The following KCNIP4 variants were observed in gnomAD, a reference collection of about 807,000 sequenced individuals.
KCNIP4 encodes the protein Kv channel-interacting protein 4.
KCNIP4 carries 12 observed loss-of-function variants against 34.0 expected under a neutral mutation model. That is an observed-to-expected ratio of 0.35 (90% CI 0.23 to 0.57). The LOEUF is 0.57. KCNIP4 is among the 20% of genes least tolerant of loss of function. The pLI is 0.83. For synonymous variants in KCNIP4, 124 were observed against 102.2 expected (o/e 1.21, Z -1.29); for missense variants, 238 against 311.7 (o/e 0.76, Z 1.78).
chr4:21,052,675 G>T (rs1743029888), intron 1 of KCNIP4, among the ~76,000 whole-genome samples: 1 of 152,074 alleles, frequency 6.6e-6, no homozygotes, highest in Admixed American at 6.6e-5. Context: ...TATAATTTTG[G>T]CATGGAGTGA....
chr4:21,065,324 T>C (rs899028389), intron 1 of KCNIP4, among the ~76,000 whole-genome samples: 1 of 152,108 alleles, frequency 6.6e-6, no homozygotes, highest in Non-Finnish European at 1.5e-5. Flanking sequence ...TGGCTGGGCT[T>C]AGGAAAGCAA....
chr4:21,745,103 GA>G (rs1222866598), intron 1 of KCNIP4, among the ~76,000 whole-genome samples: 1 of 152,136 alleles, frequency 6.6e-6, no homozygotes, highest in Non-Finnish European at 1.5e-5. Context: ...TAGAGCTATG[GA>G]AAAGACAGAC....
At chr4:21,944,575 A>G (rs1428921014) in intron 1 of KCNIP4, among the ~76,000 whole-genome samples, 2 of 144,970 alleles carry the variant, frequency 1.4e-5, no homozygotes, top group African/African-American at 5.0e-5. Context: ...AAAAAAAAAA[A>G]AAAGAGAGAT....
intron 1 of KCNIP4, among the ~76,000 whole-genome samples, chr4:21,724,228 G>A (rs1449891811): frequency 1.3e-5 from 2 of 151,554 alleles, no homozygotes; most frequent in Admixed American, 6.6e-5. Context: ...AGCCAATGAG[G>A]TACAGACTAA....
intron 1 of KCNIP4, among the ~76,000 whole-genome samples, chr4:21,023,406 T>G (rs1192537537): frequency 2.0e-5 from 3 of 151,882 alleles, no homozygotes; most frequent in Non-Finnish European, 4.4e-5. Flanking sequence ...TGGGGAAAAA[T>G]TTTTGTAAAT....
intron 1 of KCNIP4, among the ~76,000 whole-genome samples, chr4:21,587,701 A>G (rs1400173047): frequency 2.0e-5 from 3 of 152,232 alleles, no homozygotes; most frequent in Middle Eastern, 3.4e-3. Flanking sequence ...GTGAACTAGC[A>G]TAGGAATGAC....
At chr4:21,576,064 T>G (rs1740722989) in intron 1 of KCNIP4, among the ~76,000 whole-genome samples, 1 of 152,174 alleles carries the variant, frequency 6.6e-6, no homozygotes, top group Admixed American at 6.5e-5. Flanking sequence ...GAAAATTTTT[T>G]TAGTTTGTTG....
chr4:20,754,986 A>G (rs1331323935), intron 4 of KCNIP4, among the ~76,000 whole-genome samples: 2 of 152,212 alleles, frequency 1.3e-5, no homozygotes, highest in Non-Finnish European at 2.9e-5. Context: ...TGGGTTTTAA[A>G]CAATTTAGAA....
At chr4:20,817,659 C>G (rs932561235) in intron 3 of KCNIP4, among the ~76,000 whole-genome samples, 34 of 151,006 alleles carry the variant, frequency 2.3e-4, no homozygotes, top group Non-Finnish European at 3.2e-4. Flanking sequence ...TCCTTGATTA[C>G]AAGCTCTTTG....
chr4:20,847,980 G>A (rs1171707399), intron 3 of KCNIP4, among the ~76,000 whole-genome samples: 1 of 152,076 alleles, frequency 6.6e-6, no homozygotes, highest in African/African-American at 2.4e-5. Flanking sequence ...GATGGAAGCT[G>A]CTTCAGCTTA....
chr4:20,732,379 A>G (rs1029873220), intron 7 of KCNIP4, among the ~76,000 whole-genome samples: 1 of 152,160 alleles, frequency 6.6e-6, no homozygotes, highest in African/African-American at 2.4e-5. Context: ...TTTTTGTCTC[A>G]TCTGTAAAAT....
chr4:20,929,128 C>A lies in KCNIP4; in HGVS notation c.62-46419G>T, dbSNP rs142864421. The stretch of plus-strand genomic sequence containing the variant: ...TCTGATGAACATTGATGGAAAAATT[C>A]TCAATAAAATATTAGCAAACAAAAT... On this transcript the variant is annotated intron_variant, in intron 1 of 8. Transcript: ENST00000382152. Among the ~76,000 whole-genome samples, 226 of 152,002 alleles carry A rather than the reference C, an allele frequency of 1.5e-3. 5 individuals are homozygous for A. The East Asian group carries it at 0.026, about 18-fold the overall frequency.
At chr4:21,091,635 T>C (rs116519678) in intron 1 of KCNIP4, among the ~76,000 whole-genome samples, 1,780 of 152,276 alleles carry the variant, frequency 0.012, 41 homozygotes, top group African/African-American at 0.041. Flanking sequence ...ACAACAGAAA[T>C]TTATTTCTCA....
chr4:21,476,922 C>G (rs144951485), intron 1 of KCNIP4, among the ~76,000 whole-genome samples: 1 of 152,094 alleles, frequency 6.6e-6, no homozygotes, highest in Admixed American at 6.6e-5. Context: ...CCTCCTTTAA[C>G]AAATCCAGGC....
chr4:21,868,655 C>G (rs898795606), intron 1 of KCNIP4, among the ~76,000 whole-genome samples: 1 of 152,192 alleles, frequency 6.6e-6, no homozygotes, highest in Non-Finnish European at 1.5e-5. Flanking sequence ...ATTCTATTTC[C>G]TCAAGGAAAC....
At chr4:21,619,144 T>C (rs937338085) in intron 1 of KCNIP4, among the ~76,000 whole-genome samples, 4 of 148,580 alleles carry the variant, frequency 2.7e-5, no homozygotes, top group African/African-American at 7.3e-5. Context: ...AGTTAGTCCA[T>C]TGGCCTCCGA....
At chr4:21,083,144 T>C (rs1048529138) in intron 1 of KCNIP4, among the ~76,000 whole-genome samples, 1 of 151,822 alleles carries the variant, frequency 6.6e-6, no homozygotes. Flanking sequence ...CTGTTTCTTA[T>C]TCAGACAAAG....
chr4:21,087,496 C>T (rs1377227731), intron 1 of KCNIP4, among the ~76,000 whole-genome samples: 1 of 151,924 alleles, frequency 6.6e-6, no homozygotes, highest in African/African-American at 2.4e-5. Context: ...TCATGTTGGC[C>T]CAGTTGGTCT....
chr4:21,668,725 A>G (rs1749227592), intron 1 of KCNIP4, among the ~76,000 whole-genome samples: 1 of 152,182 alleles, frequency 6.6e-6, no homozygotes. Context: ...CAACCTTAAC[A>G]TTTTATATTT....
Sources: gnomAD v4.1 joint callset for allele counts (sites outside exome capture counted in the v4.1 genomes callset) on GRCh38, gnomAD v4.1.1 for gene constraint, MANE v1.5 for transcripts, NCBI Gene and HGNC (gene_info 2026-07-23, HGNC 2026-07-21) for gene names.